The following DLGAP1 variants were observed in gnomAD, a reference collection of about 807,000 sequenced individuals.
The protein encoded by DLGAP1 is disks large-associated protein 1.
DLGAP1 carries 11 observed loss-of-function variants against 90.8 expected under a neutral mutation model. That is an observed-to-expected ratio of 0.12 (90% CI 0.08 to 0.20). The LOEUF (loss-of-function observed/expected upper bound fraction) is 0.20. Ranked by LOEUF, DLGAP1 falls within the 10% of genes least tolerant of loss-of-function variation. The pLI is 1.00. For synonymous variants in DLGAP1, 558 were observed against 540.7 expected, an observed-to-expected ratio of 1.03 and a Z score of -0.44; for missense variants, 1,050 against 1,333.8, an observed-to-expected ratio of 0.79 and a Z score of 3.31.
At chr18:4,149,865 A>AGTGGT (rs1391509125) in intron 2 of DLGAP1, among the ~76,000 whole-genome samples, 231 of 152,280 alleles carry the variant, frequency 1.5e-3, no homozygotes, top group African/African-American at 5.2e-3. Context: ...CTTACAGTGT[A>AGTGGT]CACCTCAAGT....
At chr18:4,089,247 G>A (rs149866940) in intron 2 of DLGAP1, among the ~76,000 whole-genome samples, 526 of 152,292 alleles carry the variant, frequency 3.5e-3, no homozygotes, top group Non-Finnish European at 4.7e-3. Context: ...ACTTACAAGG[G>A]ATGTGAAGGA....
intron 1 of DLGAP1, among the ~76,000 whole-genome samples, chr18:4,389,896 G>A (rs2082307129): frequency 6.6e-6 from 1 of 152,146 alleles, no homozygotes; most frequent in African/African-American, 2.4e-5. Context: ...CTGGTGAATA[G>A]TCTTCATTAT....
intron 5 of DLGAP1, among the ~76,000 whole-genome samples, chr18:3,798,039 C>G (rs1391903756): frequency 6.6e-6 from 1 of 152,220 alleles, no homozygotes. Context: ...TCCCCAGCCA[C>G]ATGGAACTGT....
chr18:3,570,765 C>T (rs2054729449), intron 8 of DLGAP1, among the ~76,000 whole-genome samples: 1 of 151,336 alleles, frequency 6.6e-6, no homozygotes, highest in African/African-American at 2.4e-5. Context: ...CCTGTCTCTA[C>T]AAAAAATAAG....
intron 2 of DLGAP1, among the ~76,000 whole-genome samples, chr18:4,124,759 T>C (rs1201133766): frequency 6.6e-6 from 1 of 152,228 alleles, no homozygotes; most frequent in Non-Finnish European, 1.5e-5. Context: ...ATGCTTGGTG[T>C]TTTCTCTCCA....
At chr18:4,308,005 G>A (rs62088071) in intron 1 of DLGAP1, among the ~76,000 whole-genome samples, 3,686 of 152,170 alleles carry the variant, frequency 0.024, 55 homozygotes, top group East Asian at 0.042. Flanking sequence ...ATGAGCCACC[G>A]TGCCCGGCCG....
chr18:3,823,005 G>A (rs2067506621), intron 4 of DLGAP1, among the ~76,000 whole-genome samples: 1 of 152,174 alleles, frequency 6.6e-6, no homozygotes, highest in African/African-American at 2.4e-5. Context: ...TGTAGGGACA[G>A]GAAGGGAAAT....
chr18:4,157,999 A>C (rs12968276), intron 1 of DLGAP1, among the ~76,000 whole-genome samples: 15,968 of 152,158 alleles, frequency 0.1, 1,034 homozygotes, highest in East Asian at 0.27. Context: ...AAATGAAGAC[A>C]TACAAAGAGA....
At chr18:4,066,286 G>A (rs1399055039) in intron 2 of DLGAP1, among the ~76,000 whole-genome samples, 1 of 152,044 alleles carries the variant, frequency 6.6e-6, no homozygotes, top group Non-Finnish European at 1.5e-5. Flanking sequence ...AAAAGCAATT[G>A]CAACAAAAGC....
chr18:4,014,161 C>T (rs1260505409), intron 2 of DLGAP1, among the ~76,000 whole-genome samples: 2 of 149,918 alleles, frequency 1.3e-5, no homozygotes, highest in Non-Finnish European at 1.5e-5. Flanking sequence ...TCTCGACTCA[C>T]TGCAACCTCC....
At chr18:4,194,899 T>C (rs2077466928) in intron 1 of DLGAP1, among the ~76,000 whole-genome samples, 1 of 152,182 alleles carries the variant, frequency 6.6e-6, no homozygotes, top group Non-Finnish European at 1.5e-5. Flanking sequence ...AACACAGACC[T>C]CACCTCCCTC....
In DLGAP1 at chr18:3,517,153, T is replaced by C. The variant is rs905196369; in HGVS notation, c.2480-8492A>G. On this transcript the variant is annotated intron_variant, in intron 10 of 12. Coordinates refer to ENST00000315677, the MANE Select transcript of DLGAP1 (RefSeq NM_004746.4). This position sits in a 1 kb window ranked among gnomAD's most constrained non-coding sequence, Gnocchi z 4.1. Reference sequence around the variant, plus strand: ...TTTATAAGAGCACACAAATTTAGCATAATTTTTAAGGGCCGTAGGCTTTTC... The same window carrying C: ...TTTATAAGAGCACACAAATTTAGCACAATTTTTAAGGGCCGTAGGCTTTTC... Among the ~76,000 whole-genome samples, 1 of 152,204 alleles carries C rather than the reference T, an allele frequency of 6.6e-6. No individual in the cohort carries two copies. Among genetic ancestry groups the C allele is most frequent in the African/African-American group, 2.4e-5 (1 of 41,456 alleles).
chr18:4,145,231 G>A (rs1005033803), intron 2 of DLGAP1, among the ~76,000 whole-genome samples: 3 of 152,084 alleles, frequency 2.0e-5, no homozygotes, highest in African/African-American at 7.2e-5. Flanking sequence ...TCTGAGACAT[G>A]ACAAATAAAC....
intron 9 of DLGAP1, 80 bp from the exon 10 acceptor site, chr18:3,534,695 T>C (rs1208515432): frequency 1.4e-3 from 245 of 177,318 alleles, no homozygotes; most frequent in Admixed American, 1.8e-3. Context: ...CCTTTCTTTC[T>C]TTTTTTTTTT....
At chr18:3,639,067 A>C (rs761881018) in intron 7 of DLGAP1, among the ~76,000 whole-genome samples, 1 of 152,212 alleles carries the variant, frequency 6.6e-6, no homozygotes, top group Non-Finnish European at 1.5e-5. Flanking sequence ...TTTGAAAGGA[A>C]AAATCTGGCC....
chr18:3,504,645 A>C (rs2050117853), intron 11 of DLGAP1, among the ~76,000 whole-genome samples: 1 of 152,032 alleles, frequency 6.6e-6, no homozygotes, highest in Non-Finnish European at 1.5e-5. Context: ...CGACCTCCCA[A>C]GTGCTGGGAT....
chr18:3,649,723 G>A (rs2059229474), intron 7 of DLGAP1, among the ~76,000 whole-genome samples: 1 of 151,948 alleles, frequency 6.6e-6, no homozygotes, highest in Non-Finnish European at 1.5e-5. Flanking sequence ...CTTCTACACT[G>A]TGCAGAAATA....
At chr18:4,103,126 C>T (rs1463183621) in intron 2 of DLGAP1, among the ~76,000 whole-genome samples, 2 of 152,104 alleles carry the variant, frequency 1.3e-5, no homozygotes, top group African/African-American at 4.8e-5. Flanking sequence ...TAGTTTTTTT[C>T]CCTTTCTTCT....
At chr18:3,770,396 C>G (rs578166972) in intron 5 of DLGAP1, among the ~76,000 whole-genome samples, 15 of 152,258 alleles carry the variant, frequency 9.9e-5, no homozygotes, top group Middle Eastern at 3.4e-3. Context: ...TCCTGCCTTA[C>G]CCCCACATCA....
Sources: allele counts gnomAD v4.1 joint callset (sites outside exome capture counted in the v4.1 genomes callset), GRCh38; gene constraint gnomAD v4.1.1; non-coding constraint Gnocchi (gnomAD v3.1); transcripts MANE v1.5; gene names NCBI Gene and HGNC (gene_info 2026-07-23, HGNC 2026-07-21).